AGBL4: variants seen among roughly 807,000 people sequenced by gnomAD.
The protein encoded by AGBL4 is AGBL carboxypeptidase 4, also known as cytosolic carboxypeptidase 6.
Under a neutral mutation model 66.4 loss-of-function variants are expected in AGBL4, and 58 were observed. The observed-to-expected ratio is 0.87, with a 90% CI of 0.71 to 1.09. The LOEUF is 1.09. Ranked by LOEUF, AGBL4 falls within the 50% of genes least tolerant of loss-of-function variation. The pLI, the probability that AGBL4 is intolerant of heterozygous loss-of-function variation, is 0.00. For missense variants in AGBL4, 579 were observed against 631.0 expected, an observed-to-expected ratio of 0.92 and a Z score of 0.88; for synonymous variants, 234 against 222.9, an observed-to-expected ratio of 1.05 and a Z score of -0.44.
intron 4 of AGBL4, among the ~76,000 whole-genome samples, chr1:49,062,392 T>C (rs896533541): frequency 2.6e-5 from 4 of 152,226 alleles, no homozygotes; most frequent in Non-Finnish European, 5.9e-5. Context: ...TCATTATGAC[T>C]TACTATTGCT....
At chr1:50,017,373 G>A (rs776531509) in intron 1 of AGBL4, 2 of 151,960 alleles carry the variant, frequency 1.3e-5, no homozygotes, top group Non-Finnish European at 2.9e-5. Context: ...CCCCTATCTC[G>A]ATTATATTTC....
chr1:49,765,236 C>T (rs1377024486), intron 2 of AGBL4, among the ~76,000 whole-genome samples: 1 of 151,804 alleles, frequency 6.6e-6, no homozygotes, highest in South Asian at 2.1e-4. Flanking sequence ...CAGTACAAAC[C>T]CCCCTGCTTG....
intron 5 of AGBL4, among the ~76,000 whole-genome samples, chr1:48,919,758 T>A (rs1108428): frequency 3.9e-5 from 6 of 152,108 alleles, no homozygotes; most frequent in African/African-American, 1.2e-4. Context: ...CAATCAAAAA[T>A]GTCTCTAGAC....
chr1:48,841,409 C>G (rs1367242305), intron 6 of AGBL4, among the ~76,000 whole-genome samples: 2 of 136,516 alleles, frequency 1.5e-5, no homozygotes, highest in Middle Eastern at 3.6e-3. Context: ...AACCCCCCCC[C>G]CCCAAAAAAA....
At chr1:48,964,802 A>T (rs1053952237) in intron 5 of AGBL4, among the ~76,000 whole-genome samples, 1 of 152,184 alleles carries the variant, frequency 6.6e-6, no homozygotes, top group Non-Finnish European at 1.5e-5. Flanking sequence ...GCACCAAAAT[A>T]GGCATTTTGT....
intron 3 of AGBL4, among the ~76,000 whole-genome samples, chr1:49,459,472 G>T (rs1201528450): frequency 1.3e-5 from 2 of 151,340 alleles, no homozygotes; most frequent in Non-Finnish European, 3.0e-5. Context: ...ATTTCTAACT[G>T]AGCTTTTGTA....
At chr1:48,980,439 G>C (rs2148963973) in intron 5 of AGBL4, among the ~76,000 whole-genome samples, 1 of 152,160 alleles carries the variant, frequency 6.6e-6, no homozygotes. Flanking sequence ...GGAACTGACA[G>C]TTAATCTAAT....
At position 49,756,810 on chromosome 1, in the gene AGBL4, T is replaced by C. The variant is rs180670861; in HGVS notation, c.158-59373A>G. Reference sequence around the variant, plus strand: ...CTTCCCCTTCCACCATGATTGTAAGTTTCCTGAGGCCTCCCCAGCCATGCA... The same window carrying C: ...CTTCCCCTTCCACCATGATTGTAAGCTTCCTGAGGCCTCCCCAGCCATGCA... On this transcript the variant is annotated intron_variant, in intron 2 of 13. Transcript: ENST00000371839. Among the ~76,000 whole-genome samples the C allele has an allele frequency of 6.8e-4, 103 of 152,312 alleles. 1 individual carries two copies. The highest frequency in any genetic ancestry group is 2.3e-3 in the African/African-American group (97 of 41,572).
intron 9 of AGBL4, among the ~76,000 whole-genome samples, chr1:48,627,779 G>C (rs991522218): frequency 6.6e-6 from 1 of 152,056 alleles, no homozygotes; most frequent in Non-Finnish European, 1.5e-5. Flanking sequence ...AAATCACCTC[G>C]GAGTGTACAA....
intron 3 of AGBL4, among the ~76,000 whole-genome samples, chr1:49,357,359 T>G (rs1644041744): frequency 6.6e-6 from 1 of 152,176 alleles, no homozygotes; most frequent in Non-Finnish European, 1.5e-5. Flanking sequence ...GGAGATGAAT[T>G]ATCTGCAACT....
intron 1 of AGBL4, among the ~76,000 whole-genome samples, chr1:49,932,836 C>A (rs1346267781): frequency 6.6e-6 from 1 of 151,970 alleles, no homozygotes; most frequent in African/African-American, 2.4e-5. Flanking sequence ...AAAGAATCAG[C>A]AAATGCAAAA....
At chr1:49,953,624 G>A (rs1210628210) in intron 1 of AGBL4, among the ~76,000 whole-genome samples, 1 of 151,574 alleles carries the variant, frequency 6.6e-6, no homozygotes, top group African/African-American at 2.4e-5. Context: ...CTATGATGCT[G>A]AAAGGAAATA....
chr1:49,487,445 T>G (rs1647092397), intron 3 of AGBL4, among the ~76,000 whole-genome samples: 1 of 152,034 alleles, frequency 6.6e-6, no homozygotes. Context: ...AATTGAATCA[T>G]GGGGGCAGTT....
At chr1:48,821,984 A>C (rs1255480649) in intron 6 of AGBL4, among the ~76,000 whole-genome samples, 1 of 152,224 alleles carries the variant, frequency 6.6e-6, no homozygotes, top group Non-Finnish European at 1.5e-5. Flanking sequence ...ATTACTTGTT[A>C]GGGAAATGCA....
intron 5 of AGBL4, among the ~76,000 whole-genome samples, chr1:48,893,705 A>AATAAAT (rs1553120621): frequency 0.36 from 53,217 of 148,124 alleles, 10,476 homozygotes; most frequent in East Asian, 0.71. Flanking sequence ...TAAATAAATA[A>AATAAAT]AAAGATAAAA....
At chr1:48,933,800 C>A (rs935103589) in intron 5 of AGBL4, among the ~76,000 whole-genome samples, 55 of 152,312 alleles carry the variant, frequency 3.6e-4, no homozygotes, top group African/African-American at 1.3e-3. Context: ...ATTACTTCTT[C>A]CCAATCATCT....
intron 1 of AGBL4, among the ~76,000 whole-genome samples, chr1:49,911,213 C>T (rs1197854102): frequency 6.6e-6 from 1 of 151,742 alleles, no homozygotes; most frequent in Non-Finnish European, 1.5e-5. Flanking sequence ...AATGAGAGTC[C>T]GGATTAAAAA....
intron 11 of AGBL4, among the ~76,000 whole-genome samples, chr1:48,583,488 A>ATATG (rs1334905529): frequency 6.6e-6 from 1 of 152,224 alleles, no homozygotes; most frequent in Non-Finnish European, 1.5e-5. Context: ...TCAAACCCAG[A>ATATG]TATGTCTGAA....
At chr1:48,667,296 T>C (rs960684701) in intron 6 of AGBL4, among the ~76,000 whole-genome samples, 6 of 152,186 alleles carry the variant, frequency 3.9e-5, no homozygotes, top group Non-Finnish European at 5.9e-5. Flanking sequence ...GTGATATCTC[T>C]TTCTTGAATG....
Sources: allele counts gnomAD v4.1 joint callset (sites outside exome capture counted in the v4.1 genomes callset), GRCh38; gene constraint gnomAD v4.1.1; transcripts MANE v1.5; gene names NCBI Gene and HGNC (gene_info 2026-07-23, HGNC 2026-07-21).